CRB1: variants seen among roughly 807,000 people sequenced by gnomAD.
CRB1 encodes protein crumbs homolog 1.
CRB1 carries 83 observed loss-of-function variants against 120.0 expected under a neutral mutation model. The ratio of observed to expected loss-of-function variants is 0.69; its 90% confidence interval spans 0.58 to 0.83. The LOEUF (loss-of-function observed/expected upper bound fraction) is 0.83, where lower values mean the gene tolerates loss of function less well. Among genes scored for constraint, CRB1 ranks in the 40% least tolerant of loss-of-function variants. CRB1 has a pLI of 0.00. For synonymous variants in CRB1, 625 were observed against 612.5 expected, an observed-to-expected ratio of 1.02 and a Z score of -0.30; for missense variants, 1,699 against 1,687.6, an observed-to-expected ratio of 1.01 and a Z score of -0.12.
rs1667269562 is a variant in CRB1 at position 197,477,861 on chromosome 1, A to G, written c.4203A>G (p.Ala1401=). The change falls in exon 12 of 12, where the codon GCA becomes GCG. Residue 1401 remains alanine, a synonymous_variant. Coordinates refer to ENST00000367400, the MANE Select transcript of CRB1 (RefSeq NM_201253.3). ...TGTGGAACTTGATGCCACCCCCTGC[A>G]ATGGAGAGACTGATTTAGGAGCATT... ...VEMWNLMPPP[A]MERLI 6.2e-7 allele frequency: 1 copy of G among 1,613,808 alleles called. No homozygotes were observed. The highest frequency in any genetic ancestry group is 8.5e-7 in the Non-Finnish European group (1 of 1,179,814).
rs71131758 is a variant in CRB1 at position 197,450,784 on chromosome 1, CAAAAAA to C, written c.4005+8513_4005+8518del. Among the ~76,000 whole-genome samples, 26 of 59,614 alleles carry C rather than the reference CAAAAAA, an allele frequency of 4.4e-4. 1 individual carries two copies. The highest frequency in any genetic ancestry group is 1.1e-3 in the East Asian group (2 of 1,772). 39.1% of individuals were successfully genotyped at this position (59,614 alleles called of 152,430 possible). On this transcript the variant is annotated intron_variant, in intron 11 of 11. Coordinates refer to ENST00000367400, the MANE Select transcript of CRB1 (RefSeq NM_201253.3). The stretch of plus-strand genomic sequence containing the variant: ...TGAAACCCCGTCTCTACTAAAAATA[CAAAAAA>C]AAAAAAAAAAAAAAAAAAAATTAGC...
intron 5 of CRB1, chr1:197,360,597 G>C (rs1464412708): frequency 6.6e-6 from 1 of 152,216 alleles, no homozygotes; most frequent in Non-Finnish European, 1.5e-5. Flanking sequence ...ATAAGCAACA[G>C]ATGCCACTTG....
At chr1:197,445,454 A>T (rs1476884036) in intron 11 of CRB1, among the ~76,000 whole-genome samples, 1 of 152,172 alleles carries the variant, frequency 6.6e-6, no homozygotes, top group African/African-American at 2.4e-5. Flanking sequence ...ACCACTGAGG[A>T]CTTACTCTAT....
chr1:197,222,091 T>C, the CRB1 span: 13 of 234,630 alleles, frequency 5.5e-5, no homozygotes, highest in East Asian at 9.7e-4. Context: ...TATATTCCTT[T>C]AGGCGATGAA....
At chr1:197,275,513 A>G (rs1007332349) in intron 1 of CRB1, among the ~76,000 whole-genome samples, 1 of 151,996 alleles carries the variant, frequency 6.6e-6, no homozygotes, top group Non-Finnish European at 1.5e-5. Context: ...ATGCTAAACA[A>G]TGTGCCCATA....
chr1:197,218,296 C>G, the CRB1 span, among the ~76,000 whole-genome samples: 2 of 152,052 alleles, frequency 1.3e-5, no homozygotes, highest in African/African-American at 2.4e-5. Context: ...TTTTTAAATT[C>G]TAGTTGGGTT....
At chr1:197,231,714 A>G in the CRB1 span, among the ~76,000 whole-genome samples, 18 of 152,220 alleles carry the variant, frequency 1.2e-4, no homozygotes, top group African/African-American at 4.3e-4. Flanking sequence ...TGGAAAGATC[A>G]CCAGATACCT....
chr1:197,267,775 C>T (rs1279306622), upstream of CRB1, among the ~76,000 whole-genome samples: 1 of 151,964 alleles, frequency 6.6e-6, no homozygotes. Flanking sequence ...TTTCATGAAC[C>T]GAGAATAAAA....
chr1:197,350,375 T>TA (rs1439796676), intron 4 of CRB1, among the ~76,000 whole-genome samples: 1 of 152,212 alleles, frequency 6.6e-6, no homozygotes, highest in African/African-American at 2.4e-5. Flanking sequence ...GCCTTGCACA[T>TA]ATTAAGCACT....
intron 2 of CRB1, among the ~76,000 whole-genome samples, chr1:197,331,084 G>A (rs530073850): frequency 1.2e-3 from 190 of 152,014 alleles, no homozygotes; most frequent in African/African-American, 4.4e-3. Context: ...CATGAACCCG[G>A]GAGGCAGAGC....
At chr1:197,416,522 C>T (rs889509753) in intron 5 of CRB1, among the ~76,000 whole-genome samples, 2 of 152,008 alleles carry the variant, frequency 1.3e-5, no homozygotes, top group Non-Finnish European at 2.9e-5. Context: ...GAGAGTACAT[C>T]ATAGAGTAGC....
chr1:197,354,741 A>T (rs1054984610), intron 4 of CRB1, among the ~76,000 whole-genome samples: 1 of 141,456 alleles, frequency 7.1e-6, no homozygotes, highest in Non-Finnish European at 1.5e-5. Context: ...CAAAGCCTCC[A>T]CAGTGTACAA....
intron 2 of CRB1, among the ~76,000 whole-genome samples, chr1:197,332,531 C>G (rs1658921208): frequency 6.6e-6 from 1 of 152,098 alleles, no homozygotes; most frequent in South Asian, 2.1e-4. Flanking sequence ...CTATTATTAG[C>G]TGGTTAGGCT....
the CRB1 span, among the ~76,000 whole-genome samples, chr1:197,260,792 G>A: frequency 6.6e-6 from 1 of 151,898 alleles, no homozygotes; most frequent in Non-Finnish European, 1.5e-5. Context: ...CGCCTCCCAG[G>A]TTCAAGAGAT....
At chr1:197,476,836 C>A (rs969355663) in intron 11 of CRB1, among the ~76,000 whole-genome samples, 1 of 152,162 alleles carries the variant, frequency 6.6e-6, no homozygotes, top group Non-Finnish European at 1.5e-5. Flanking sequence ...TTTAAAAATT[C>A]AAACAGTAAC....
chr1:197,453,437 T>A (rs1666073401), intron 11 of CRB1, among the ~76,000 whole-genome samples: 1 of 147,258 alleles, frequency 6.8e-6, no homozygotes, highest in South Asian at 2.1e-4. Context: ...AGTATAGTAG[T>A]ATACTAATTA....
chr1:197,249,868 T>G, the CRB1 span, among the ~76,000 whole-genome samples: 1 of 151,924 alleles, frequency 6.6e-6, no homozygotes, highest in African/African-American at 2.4e-5. Flanking sequence ...GAAAAGTACT[T>G]CGTGAATTTT....
At chr1:197,222,516 C>G in the CRB1 span, 1 of 768,404 alleles carries the variant, frequency 1.3e-6, no homozygotes, top group Non-Finnish European at 2.4e-6. Flanking sequence ...GAATGCAGTT[C>G]CGTTTGGTCT....
intron 4 of CRB1, among the ~76,000 whole-genome samples, chr1:197,354,811 C>T: frequency 3.0e-4 from 2 of 6,682 alleles, no homozygotes; most frequent in African/African-American, 8.1e-4. Context: ...CCCTTATCTG[C>T]CCCCCGCCCC....
Sources: gnomAD v4.1 joint callset for allele counts (sites outside exome capture counted in the v4.1 genomes callset) on GRCh38, gnomAD v4.1.1 for gene constraint, MANE v1.5 for transcripts, NCBI Gene and HGNC (gene_info 2026-07-23, HGNC 2026-07-21) for gene names.